Variants in MRPS23 observed in about 807,000 individuals in gnomAD.
MRPS23 encodes the protein small ribosomal subunit protein mS23.
A neutral mutation model predicts 19.8 loss-of-function variants in MRPS23; 14 were observed. The observed-to-expected ratio is 0.71, with a 90% CI of 0.47 to 1.11. MRPS23 has a LOEUF of 1.11. MRPS23 is among the 50% of genes least tolerant of loss of function. The probability of loss-of-function intolerance (pLI) is 0.00; values close to 1 mark genes in which losing one functional copy is unlikely to be tolerated. For missense variants in MRPS23, 242 were observed against 236.7 expected (o/e 1.02, Z -0.15); for synonymous variants, 113 against 89.7 (o/e 1.26, Z -1.47).
chr17:57,835,683 A>T lies in MRPS23; in HGVS notation c.*4100T>A, dbSNP rs1226977941. The T allele has an allele frequency of 6.6e-6, 1 of 152,160 alleles. No homozygotes were observed. Among genetic ancestry groups the T allele is most frequent in the Non-Finnish European group, 1.5e-5 (1 of 68,038 alleles). The allele number at this position is 152,160 out of a possible 1,614,324, so 9.4% of individuals were successfully genotyped here. ...GCACTCATCTCAATTAATCCTCACAAAGCTAACTGGAAGCCAAAAAGGCAA... is the reference window on the plus strand; with the variant it reads ...GCACTCATCTCAATTAATCCTCACATAGCTAACTGGAAGCCAAAAAGGCAA... On this transcript the variant is annotated 3_prime_UTR_variant, in exon 5 of 5. Transcript: ENST00000313608.
rs2073724959 is a variant in MRPS23, at chr17:57,839,099, A to G, written c.*684T>C. The stretch of plus-strand genomic sequence containing the variant: ...CAATCCTGTTATCTACACCATATGA[A>G]TCCAGTCTTTAGCTGGATATAACCA... On this transcript the variant is annotated 3_prime_UTR_variant, in exon 5 of 5. Transcript: ENST00000313608. 6.6e-6 allele frequency: 1 copy of G among 152,212 alleles called. No homozygotes were observed. The highest frequency in any genetic ancestry group is 2.1e-4 in the South Asian group (1 of 4,832). The allele number at this position is 152,212 out of a possible 1,614,324, so 9.4% of individuals were successfully genotyped here. A position where few individuals can be genotyped will look rare whatever the true frequency, so the allele number is the denominator to read the frequency against.
intron 2 of MRPS23, among the ~76,000 whole-genome samples, chr17:57,845,872 G>C (rs1173693151): frequency 6.6e-6 from 1 of 152,198 alleles, no homozygotes; most frequent in East Asian, 1.9e-4. Flanking sequence ...CAATGGGCTA[G>C]GCACTGAAGT....
At position 57,849,388 on chromosome 17, in the gene MRPS23, C is replaced by A; in HGVS notation, c.67G>T (p.Gly23Trp). ...FSRTRDLVRAGVLKEKPLWFD... is the reference protein window; with the variant it reads ...FSRTRDLVRAWVLKEKPLWFD... ...CACAGGGGCTTCTCCTTCAGCACCC[C>A]GGCCCGAACCAGGTCCCGAGTCCTT... is the stretch of plus-strand genomic sequence containing the variant. The change falls in exon 2 of 5, where the codon GGG becomes TGG. Residue 23 changes from glycine to tryptophan, a missense_variant. Transcript: ENST00000313608. 6.2e-7 allele frequency: 1 copy of A among 1,614,028 alleles called. No homozygotes were observed. The highest frequency in any genetic ancestry group is 8.5e-7 in the Non-Finnish European group (1 of 1,180,010).
intron 2 of MRPS23, among the ~76,000 whole-genome samples, chr17:57,846,662 A>G (rs1044532469): frequency 6.6e-6 from 1 of 152,180 alleles, no homozygotes; most frequent in Non-Finnish European, 1.5e-5. Context: ...ACTCAGGGTT[A>G]AATGGATTAA....
intron 1 of MRPS23, chr17:57,849,717 C>T (rs2073799648): frequency 3.3e-6 from 2 of 607,454 alleles, no homozygotes; most frequent in South Asian, 2.2e-5. Context: ...CCTTCCTCTT[C>T]CTAGAGACCT....
intron 2 of MRPS23, among the ~76,000 whole-genome samples, chr17:57,847,363 A>G (rs1050559972): frequency 6.2e-5 from 9 of 146,192 alleles, no homozygotes; most frequent in Non-Finnish European, 1.4e-4. Flanking sequence ...TAAGTTTTGG[A>G]AAAAAAGAGA....
Position 57,839,590 on chromosome 17 carries a change from C to G in MRPS23, c.*193G>C, listed in dbSNP as rs2073727649. On this transcript the variant is annotated 3_prime_UTR_variant, in exon 5 of 5. Coordinates refer to ENST00000313608, the MANE Select transcript of MRPS23 (RefSeq NM_016070.4). ...AATTCTTTATTTAGTAATGTCCTAA[C>G]ATAAAAGTTCACATAACTGCTTCTG... 3.8e-6 allele frequency: 2 copies of G among 526,970 alleles called. No homozygotes were observed. Among genetic ancestry groups the G allele is most frequent in the South Asian group, 1.0e-4 (2 of 20,092 alleles). The allele number at this position is 526,970 out of a possible 1,614,324, so 32.6% of individuals were successfully genotyped here.
intron 2 of MRPS23, among the ~76,000 whole-genome samples, chr17:57,843,478 G>T (rs1196601033): frequency 2.0e-5 from 3 of 152,134 alleles, no homozygotes; most frequent in African/African-American, 7.2e-5. Flanking sequence ...CTATTTGGTG[G>T]TTGCTATGGA....
intron 2 of MRPS23, among the ~76,000 whole-genome samples, chr17:57,846,926 A>ATT (rs901780462): frequency 7.1e-6 from 1 of 140,464 alleles, no homozygotes; most frequent in African/African-American, 2.5e-5. Flanking sequence ...ACTATAAAAA[A>ATT]TAAAAAATAA....
intron 2 of MRPS23, among the ~76,000 whole-genome samples, chr17:57,844,753 G>A (rs1185010558): frequency 5.3e-5 from 7 of 132,600 alleles, no homozygotes; most frequent in African/African-American, 2.0e-4. Flanking sequence ...CTGGGAGAGA[G>A]AGAGAGAGCA....
At position 57,837,486 on chromosome 17, in the gene MRPS23, A is replaced by G. The variant is rs1352052739; in HGVS notation, c.*2297T>C. ...AAAAGCAAGGTACAGAACAGTATGCATAGTGTCCTGTCCATGCCCAAAATA... is the reference window on the plus strand; with the variant it reads ...AAAAGCAAGGTACAGAACAGTATGCGTAGTGTCCTGTCCATGCCCAAAATA... On this transcript the variant is annotated 3_prime_UTR_variant, in exon 5 of 5. Transcript: ENST00000313608. 1 of 152,216 alleles carries G rather than the reference A, an allele frequency of 6.6e-6. No individual in the cohort carries two copies. The highest frequency in any genetic ancestry group is 2.4e-5 in the African/African-American group (1 of 41,458). The allele number at this position is 152,216 out of a possible 1,614,324, so 9.4% of individuals were successfully genotyped here.
Position 57,850,040 on chromosome 17 carries a change from C to T in MRPS23, c.-30G>A, listed in dbSNP as rs1331134858. Reference sequence around the variant, plus strand: ...TGCGCCTGGTACCGAGCGTGACTAGCTGCTACCGGAACCGGAAGCGGCTGC... The same window carrying T: ...TGCGCCTGGTACCGAGCGTGACTAGTTGCTACCGGAACCGGAAGCGGCTGC... On this transcript the variant is annotated 5_prime_UTR_variant, in exon 1 of 5. Transcript: ENST00000313608. 3.8e-6 allele frequency: 6 copies of T among 1,581,240 alleles called. No homozygotes were observed. The highest frequency in any genetic ancestry group is 1.8e-5 in the Admixed American group (1 of 56,782).
intron 2 of MRPS23, among the ~76,000 whole-genome samples, chr17:57,846,784 A>C (rs902031179): frequency 6.6e-6 from 1 of 152,146 alleles, no homozygotes; most frequent in African/African-American, 2.4e-5. Flanking sequence ...CTGCGGAAGA[A>C]CGCAGGGACC....
chr17:57,849,117 G>T, intron 2 of MRPS23, 123 bp downstream of exon 2: 2 of 1,303,016 alleles, frequency 1.5e-6, no homozygotes, highest in Non-Finnish European at 2.1e-6. Context: ...AATTTGGCTA[G>T]ATAAGCCTTC....
At chr17:57,843,718 TCA>T (rs2073754892) in intron 2 of MRPS23, among the ~76,000 whole-genome samples, 1 of 152,192 alleles carries the variant, frequency 6.6e-6, no homozygotes, top group Non-Finnish European at 1.5e-5. Context: ...CACCCTGATC[TCA>T]GACTTCCTAG....
At chr17:57,845,088 G>A (rs965462266) in intron 2 of MRPS23, among the ~76,000 whole-genome samples, 5 of 151,986 alleles carry the variant, frequency 3.3e-5, no homozygotes, top group African/African-American at 1.2e-4. Flanking sequence ...AGCAGAGGTG[G>A]GGTTTCACCA....
chr17:57,844,924 G>C (rs1053623930), intron 2 of MRPS23, among the ~76,000 whole-genome samples: 1 of 151,840 alleles, frequency 6.6e-6, no homozygotes, highest in African/African-American at 2.4e-5. Flanking sequence ...TTGAGTCGGA[G>C]TCTCACTCTG....
chr17:57,842,567 A>G (rs778912884), intron 2 of MRPS23, among the ~76,000 whole-genome samples: 1 of 152,196 alleles, frequency 6.6e-6, no homozygotes, highest in Non-Finnish European at 1.5e-5. Context: ...CACTACGTAA[A>G]TAAGTCTGTG....
intron 4 of MRPS23, among the ~76,000 whole-genome samples, chr17:57,840,471 A>G (rs1002981527): frequency 6.6e-6 from 1 of 152,158 alleles, no homozygotes; most frequent in Non-Finnish European, 1.5e-5. Context: ...CATTACCACA[A>G]AATTCTAGTA....
Sources: allele counts gnomAD v4.1 joint callset (sites outside exome capture counted in the v4.1 genomes callset), GRCh38; gene constraint gnomAD v4.1.1; transcripts MANE v1.5; gene names NCBI Gene and HGNC (gene_info 2026-07-23, HGNC 2026-07-21).